The following NME7 variants were observed in gnomAD, a reference collection of about 807,000 sequenced individuals.
NME7 encodes NME/NM23 family member 7, also known as nucleoside diphosphate kinase 7.
NME7 carries 41 observed loss-of-function variants against 49.1 expected under a neutral mutation model. That is an observed-to-expected ratio of 0.83 (90% CI 0.65 to 1.08). The LOEUF is 1.08. Ranked by LOEUF, NME7 falls within the 50% of genes least tolerant of loss-of-function variation. The probability of loss-of-function intolerance (pLI) is 0.00; values close to 1 mark genes in which losing one functional copy is unlikely to be tolerated. For synonymous variants in NME7, 139 were observed against 150.6 expected, an observed-to-expected ratio of 0.92 and a Z score of 0.56; for missense variants, 423 against 463.4, an observed-to-expected ratio of 0.91 and a Z score of 0.80.
chr1:169,312,687 A>T (rs1651443853), intron 3 of NME7, among the ~76,000 whole-genome samples: 1 of 152,246 alleles, frequency 6.6e-6, no homozygotes, highest in Non-Finnish European at 1.5e-5. Flanking sequence ...CAAAAATTGC[A>T]GCAAATATAT....
rs558013230 is a variant in NME7 at position 169,162,840 on chromosome 1, A to AAAT, written c.1098+6604_1098+6606dup. Among the ~76,000 whole-genome samples the AAAT allele has an allele frequency of 2.1e-3, 327 of 152,228 alleles. 2 individuals are homozygous for AAAT. The highest frequency in any genetic ancestry group is 6.8e-3 in the African/African-American group (284 of 41,560). ...GGAGACAGGGTGAGACCTTGTCTCA[A>AAAT]AATAATAATAATAATAAAAGTACCT... On this transcript the variant is annotated intron_variant, in intron 11 of 11. Coordinates refer to ENST00000367811, the MANE Select transcript of NME7 (RefSeq NM_013330.5).
At chr1:169,347,130 GA>G (rs1238341013) in intron 1 of NME7, among the ~76,000 whole-genome samples, 1 of 152,190 alleles carries the variant, frequency 6.6e-6, no homozygotes. Context: ...AAGATCACTT[GA>G]GCCCAGGAGT....
chr1:169,235,564 C>A (rs993340490), intron 8 of NME7, among the ~76,000 whole-genome samples: 2 of 152,034 alleles, frequency 1.3e-5, no homozygotes, highest in Non-Finnish European at 2.9e-5. Flanking sequence ...AATACTTTTA[C>A]CTACTACACT....
At chr1:169,336,179 C>T (rs1652462100) in intron 1 of NME7, among the ~76,000 whole-genome samples, 1 of 151,494 alleles carries the variant, frequency 6.6e-6, no homozygotes, top group Non-Finnish European at 1.5e-5. Context: ...GTTCGTTCCT[C>T]CCGGTGGGCT....
chr1:169,333,400 G>A (rs941100534), intron 1 of NME7, among the ~76,000 whole-genome samples: 5 of 152,120 alleles, frequency 3.3e-5, no homozygotes, highest in African/African-American at 4.8e-5. Flanking sequence ...CCTAATATTT[G>A]ATAGCAGAGT....
chr1:169,304,154 T>C (rs1651083081), intron 4 of NME7, among the ~76,000 whole-genome samples: 1 of 152,222 alleles, frequency 6.6e-6, no homozygotes, highest in East Asian at 1.9e-4. Flanking sequence ...TACATTTATA[T>C]TACCACTAAA....
At chr1:169,276,832 T>C (rs1649754201) in intron 7 of NME7, among the ~76,000 whole-genome samples, 1 of 141,322 alleles carries the variant, frequency 7.1e-6, no homozygotes, top group East Asian at 2.1e-4. Context: ...TTTAGTGCTA[T>C]AAATTTCCCT....
chr1:169,321,178 G>C (rs1248823664), intron 3 of NME7, among the ~76,000 whole-genome samples: 1 of 152,076 alleles, frequency 6.6e-6, no homozygotes, highest in African/African-American at 2.4e-5. Flanking sequence ...GGGCAAGAAG[G>C]CCAAACTCCA....
intron 1 of NME7, among the ~76,000 whole-genome samples, chr1:169,333,207 A>G (rs1407627051): frequency 1.3e-5 from 2 of 152,214 alleles, no homozygotes; most frequent in Non-Finnish European, 2.9e-5. Context: ...CTAGGCAAAG[A>G]AAGACAAACA....
At chr1:169,145,715 A>G (rs1658727702) in intron 11 of NME7, among the ~76,000 whole-genome samples, 1 of 152,210 alleles carries the variant, frequency 6.6e-6, no homozygotes. Flanking sequence ...GTGTGCTTAC[A>G]ACAAAGATGG....
chr1:169,254,648 G>C (rs1213656027), intron 7 of NME7, among the ~76,000 whole-genome samples: 2 of 147,276 alleles, frequency 1.4e-5, no homozygotes, highest in Non-Finnish European at 3.0e-5. Flanking sequence ...TCTTTTAATT[G>C]TGATGTTAGG....
chr1:169,324,185 A>C (rs753396111), intron 2 of NME7, among the ~76,000 whole-genome samples: 11 of 152,058 alleles, frequency 7.2e-5, no homozygotes, highest in African/African-American at 1.9e-4. Context: ...ACAACAACAA[A>C]AAATTCCTAT....
At chr1:169,154,228 G>C (rs1396280004) in intron 11 of NME7, among the ~76,000 whole-genome samples, 1 of 151,852 alleles carries the variant, frequency 6.6e-6, no homozygotes, top group Non-Finnish European at 1.5e-5. Flanking sequence ...GCCCAGGCTG[G>C]TCTCAAACTC....
intron 1 of NME7, among the ~76,000 whole-genome samples, chr1:169,351,100 C>T (rs1653156241): frequency 6.6e-6 from 1 of 151,884 alleles, no homozygotes; most frequent in Non-Finnish European, 1.5e-5. Context: ...ACACACATGC[C>T]CTACAACTGG....
At chr1:169,132,877 C>CAG (rs1658279361) in intron 11 of NME7, 60 bp from the exon 12 acceptor site, 7 of 1,455,848 alleles carry the variant, frequency 4.8e-6, no homozygotes, top group Middle Eastern at 1.7e-4. Flanking sequence ...TTCCACTTAA[C>CAG]AGAGTCCAAG....
At chr1:169,233,253 T>G (rs1268674860) in intron 9 of NME7, among the ~76,000 whole-genome samples, 1 of 152,202 alleles carries the variant, frequency 6.6e-6, no homozygotes, top group Admixed American at 6.5e-5. Context: ...TATATAAAGC[T>G]GTATAATGAA....
intron 10 of NME7, among the ~76,000 whole-genome samples, chr1:169,223,067 T>C (rs1350370707): frequency 6.6e-6 from 1 of 152,198 alleles, no homozygotes; most frequent in Non-Finnish European, 1.5e-5. Flanking sequence ...CTCTTCAGTG[T>C]TTTTCAGTCC....
At chr1:169,329,912 G>T (rs1467458320) in intron 1 of NME7, among the ~76,000 whole-genome samples, 1 of 151,990 alleles carries the variant, frequency 6.6e-6, no homozygotes, top group Non-Finnish European at 1.5e-5. Flanking sequence ...ACTCTCAAAG[G>T]TCAAGGATAA....
intron 6 of NME7, among the ~76,000 whole-genome samples, chr1:169,295,146 C>T (rs1306709472): frequency 1.3e-5 from 2 of 152,166 alleles, no homozygotes; most frequent in South Asian, 2.1e-4. Flanking sequence ...GATGCCCAAT[C>T]TTGATGTCCC....
Sources: allele counts gnomAD v4.1 joint callset (sites outside exome capture counted in the v4.1 genomes callset), GRCh38; gene constraint gnomAD v4.1.1; transcripts MANE v1.5; gene names NCBI Gene and HGNC (gene_info 2026-07-23, HGNC 2026-07-21).